The following KIAA0825 variants were observed in gnomAD, a reference collection of about 807,000 sequenced individuals.
KIAA0825 encodes the protein uncharacterized protein KIAA0825.
KIAA0825 carries 119 observed loss-of-function variants against 147.6 expected under a neutral mutation model. That is an observed-to-expected ratio of 0.81 (90% CI 0.69 to 0.94). The LOEUF (loss-of-function observed/expected upper bound fraction) is 0.94, where lower values mean the gene tolerates loss of function less well. Ranked by LOEUF, KIAA0825 falls within the 40% of genes least tolerant of loss-of-function variation. The pLI is 0.00. For missense variants in KIAA0825, 1,381 were observed against 1,472.7 expected, an observed-to-expected ratio of 0.94 and a Z score of 1.02; for synonymous variants, 470 against 518.1, an observed-to-expected ratio of 0.91 and a Z score of 1.26.
In KIAA0825 at chr5:94,471,715, A is replaced by G; in HGVS notation, c.1472T>C (p.Met491Thr). 1.3e-6 allele frequency: 2 copies of G among 1,552,344 alleles called. No individual in the cohort carries two copies. Among genetic ancestry groups the G allele is most frequent in the Admixed American group, 2.0e-5 (1 of 51,018 alleles). ...TGGAAGCATTGTGTCAAGTTTTTCC[A>G]TGATGTCAGAACAAAACTAGGGAGA... is the stretch of plus-strand genomic sequence containing the variant. ...KKIGKFCSDI[M>T]EKLDTMLPLA... The change falls in exon 9 of 21, where the codon ATG (methionine) becomes ACG (threonine). Residue 491 changes from methionine (M) to threonine (T), a missense_variant. Coordinates refer to ENST00000682413, the MANE Select transcript of KIAA0825 (RefSeq NM_001145678.3).
intron 2 of KIAA0825, among the ~76,000 whole-genome samples, chr5:94,545,701 TAAC>T: frequency 6.6e-6 from 1 of 152,320 alleles, no homozygotes. Context: ...CCTGGATAAC[TAAC>T]AACGCTATCC....
intron 5 of KIAA0825, among the ~76,000 whole-genome samples, chr5:94,513,074 T>C (rs1449663135): frequency 4.6e-5 from 7 of 152,194 alleles, no homozygotes; most frequent in Non-Finnish European, 1.0e-4. Context: ...CACATATTTG[T>C]TCAATATTGA....
At chr5:94,353,198 T>A (rs988019168) in intron 20 of KIAA0825, among the ~76,000 whole-genome samples, 2 of 152,170 alleles carry the variant, frequency 1.3e-5, no homozygotes, top group Non-Finnish European at 2.9e-5. Flanking sequence ...TTTATTAGAA[T>A]AATGAAAGCA....
chr5:94,398,542 G>C (rs1584376361), intron 16 of KIAA0825, among the ~76,000 whole-genome samples: 1 of 152,080 alleles, frequency 6.6e-6, no homozygotes, highest in African/African-American at 2.4e-5. Flanking sequence ...ATTTATTTGA[G>C]TATATTATAT....
intron 20 of KIAA0825, among the ~76,000 whole-genome samples, chr5:94,176,394 C>T (rs533946513): frequency 1.3e-5 from 2 of 152,180 alleles, no homozygotes; most frequent in South Asian, 4.2e-4. Flanking sequence ...ACTAAAGAAA[C>T]CTCTTTTCTT....
chr5:94,396,608 A>T (rs1307883253), intron 16 of KIAA0825, 99 bp from the exon 17 acceptor site: 2 of 1,005,662 alleles, frequency 2.0e-6, no homozygotes, highest in East Asian at 5.8e-5. Flanking sequence ...TGTGGAGAAA[A>T]TTGGCAAGAA....
intron 20 of KIAA0825, among the ~76,000 whole-genome samples, chr5:94,275,382 A>C (rs1301540560): frequency 6.6e-6 from 1 of 152,164 alleles, no homozygotes; most frequent in East Asian, 1.9e-4. Flanking sequence ...TCTCATTAAA[A>C]CATAAAGTAA....
At chr5:94,280,537 A>C (rs1004902779) in intron 20 of KIAA0825, among the ~76,000 whole-genome samples, 1 of 152,090 alleles carries the variant, frequency 6.6e-6, no homozygotes, top group African/African-American at 2.4e-5. Context: ...TTGTTACAGC[A>C]TATTTGCAAA....
intron 20 of KIAA0825, among the ~76,000 whole-genome samples, chr5:94,356,256 T>TGTAAGTA: frequency 6.6e-6 from 1 of 152,136 alleles, no homozygotes; most frequent in East Asian, 1.9e-4. Flanking sequence ...AAAGCAAAAC[T>TGTAAGTA]ACAAGTTACT....
At chr5:94,429,915 C>T (rs551336121) in intron 14 of KIAA0825, among the ~76,000 whole-genome samples, 1 of 152,186 alleles carries the variant, frequency 6.6e-6, no homozygotes, top group Middle Eastern at 3.4e-3. Context: ...TCTGCCTGGG[C>T]GTGAAGTAGA....
rs1004126941 is a variant in KIAA0825, at chr5:94,379,003, A to T, written c.3710+5365T>A. On this transcript the variant is annotated intron_variant, in intron 20 of 20. Transcript: ENST00000682413. The stretch of plus-strand genomic sequence containing the variant: ...AAGTTCCTTTTAGATGGTGGATATT[A>T]GACCTTTGTCAGATGCATAGTTTGC... Among the ~76,000 whole-genome samples, 3 of 152,292 alleles carry T rather than the reference A, an allele frequency of 2.0e-5. No homozygotes were observed. In the South Asian group the frequency reaches 6.2e-4, roughly 32 times the overall value.
At chr5:94,529,258 ATATCATATATATGTATG>A (rs1561268040) in intron 3 of KIAA0825, among the ~76,000 whole-genome samples, 2,992 of 134,116 alleles carry the variant, frequency 0.022, 233 homozygotes, top group African/African-American at 0.047. Flanking sequence ...ATATATGTAT[ATATCATATATATGTATG>A]TATCATATAT....
chr5:94,320,793 T>C (rs1190956440), intron 20 of KIAA0825, among the ~76,000 whole-genome samples: 2 of 152,174 alleles, frequency 1.3e-5, no homozygotes, highest in East Asian at 3.9e-4. Context: ...TTGACACACA[T>C]AAATCATGTT....
At chr5:94,257,351 C>G (rs1267005881) in intron 20 of KIAA0825, among the ~76,000 whole-genome samples, 1 of 151,986 alleles carries the variant, frequency 6.6e-6, no homozygotes, top group Non-Finnish European at 1.5e-5. Flanking sequence ...CCATGCTTAA[C>G]CTATATTTTA....
intron 17 of KIAA0825, among the ~76,000 whole-genome samples, chr5:94,394,632 C>G (rs1750386819): frequency 6.6e-6 from 1 of 152,128 alleles, no homozygotes; most frequent in Non-Finnish European, 1.5e-5. Flanking sequence ...ATAGGGGCTA[C>G]TAAATGAGCA....
At chr5:94,264,332 G>A (rs1180437321) in intron 20 of KIAA0825, among the ~76,000 whole-genome samples, 1 of 152,138 alleles carries the variant, frequency 6.6e-6, no homozygotes, top group Non-Finnish European at 1.5e-5. Context: ...TAAACAATAA[G>A]TTCTTCGATT....
At chr5:94,251,405 A>G (rs1775956340) in intron 20 of KIAA0825, among the ~76,000 whole-genome samples, 1 of 152,098 alleles carries the variant, frequency 6.6e-6, no homozygotes, top group Admixed American at 6.6e-5. Context: ...TCATTATTCA[A>G]TGAATTCACT....
intron 3 of KIAA0825, among the ~76,000 whole-genome samples, chr5:94,524,983 A>ACC: frequency 6.6e-6 from 1 of 151,902 alleles, no homozygotes; most frequent in South Asian, 2.1e-4. Flanking sequence ...TTTGTGGGGT[A>ACC]AACTGGTGAC....
chr5:94,318,533 C>T (rs1302829393), intron 20 of KIAA0825, among the ~76,000 whole-genome samples: 1 of 151,794 alleles, frequency 6.6e-6, no homozygotes, highest in Non-Finnish European at 1.5e-5. Flanking sequence ...GTAGAAAATG[C>T]ACATCTGTCC....
Sources: allele counts gnomAD v4.1 joint callset (sites outside exome capture counted in the v4.1 genomes callset), GRCh38; gene constraint gnomAD v4.1.1; transcripts MANE v1.5; gene names NCBI Gene and HGNC (gene_info 2026-07-23, HGNC 2026-07-21).